RGS12: variants seen among roughly 807,000 people sequenced by gnomAD.
RGS12 encodes regulator of G-protein signaling 12.
In RGS12, 66 loss-of-function variants were observed where a neutral mutation model predicts 120.1. The observed-to-expected ratio is 0.55, with a 90% confidence interval of 0.45 to 0.67. The LOEUF (loss-of-function observed/expected upper bound fraction) is 0.67, where lower values mean the gene tolerates loss of function less well. Among genes scored for constraint, RGS12 ranks in the 30% least tolerant of loss-of-function variants. RGS12 has a pLI of 0.00. For missense variants in RGS12, 1,859 were observed against 1,957.7 expected (o/e 0.95, Z 0.95); for synonymous variants, 827 against 804.7 (o/e 1.03, Z -0.47).
Position 3,349,870 on chromosome 4 carries a change from A to G in RGS12, c.1998+6817A>G, listed in dbSNP as rs534709014. Among the ~76,000 whole-genome samples the G allele has an allele frequency of 2.0e-5, 3 of 152,330 alleles. No individual in the cohort carries two copies. In the East Asian group the frequency reaches 5.8e-4, roughly 29 times the overall value. On this transcript the variant is annotated intron_variant, in intron 3 of 17. Transcript: ENST00000336727. ...AATGTATGTTTTAGTACTTTATCTT[A>G]TATGGAAATGACTTAGACATTTTAT... is the stretch of plus-strand genomic sequence containing the variant.
intron 4 of RGS12, among the ~76,000 whole-genome samples, chr4:3,395,535 A>G (rs1719966978): frequency 6.6e-6 from 1 of 152,156 alleles, no homozygotes; most frequent in Non-Finnish European, 1.5e-5. Flanking sequence ...TTTCCAAATG[A>G]TTTTTACAGT....
intron 1 of RGS12, among the ~76,000 whole-genome samples, chr4:3,307,542 A>G (rs929704333): frequency 1.3e-5 from 2 of 152,268 alleles, no homozygotes; most frequent in Non-Finnish European, 2.9e-5. Flanking sequence ...CACAGAAATA[A>G]TTGCATTCAG....
At chr4:3,370,433 A>C (rs1484027060) in intron 3 of RGS12, 1 of 1,045,312 alleles carries the variant, frequency 9.6e-7, no homozygotes, top group East Asian at 2.4e-5. Flanking sequence ...GCTTGTAAGG[A>C]TAAGCTTTGG....
At chr4:3,394,251 C>T (rs952192451) in intron 4 of RGS12, among the ~76,000 whole-genome samples, 1 of 152,174 alleles carries the variant, frequency 6.6e-6, no homozygotes, top group Non-Finnish European at 1.5e-5. Context: ...CAACCTCTGC[C>T]TCTTGGGTTC....
At chr4:3,402,108 G>A (rs968890774) in intron 4 of RGS12, among the ~76,000 whole-genome samples, 74 of 152,314 alleles carry the variant, frequency 4.9e-4, no homozygotes, top group African/African-American at 1.7e-3. Context: ...TTGGAAGCCC[G>A]GTTTAGGACA....
chr4:3,365,800 T>TTA lies in RGS12; in HGVS notation c.1999-20612_1999-20611dup, dbSNP rs1428269417. The stretch of plus-strand genomic sequence containing the variant: ...CACACCAGTCTGCTTTTTAAACCCA[T>TTA]TATATGGGAAATTTTCTGAACTGTC... On this transcript the variant is annotated intron_variant, in intron 3 of 17. Coordinates refer to ENST00000336727, the MANE Select transcript of RGS12 (RefSeq NM_001394154.1). This position sits in a 1 kb window ranked among gnomAD's most constrained non-coding sequence, Gnocchi z 4.0. Among the ~76,000 whole-genome samples the TTA allele has an allele frequency of 6.6e-6, 1 of 152,174 alleles. No individual in the cohort carries two copies. The highest frequency in any genetic ancestry group is 1.5e-5 in the Non-Finnish European group (1 of 68,022).
chr4:3,363,815 G>A (rs943955227), intron 3 of RGS12, among the ~76,000 whole-genome samples: 2 of 152,162 alleles, frequency 1.3e-5, no homozygotes, highest in Non-Finnish European at 2.9e-5. Context: ...GGACCCAGGG[G>A]TCAGGGACTG....
chr4:3,330,281 G>A (rs545730647), intron 2 of RGS12, among the ~76,000 whole-genome samples: 1 of 152,264 alleles, frequency 6.6e-6, no homozygotes, highest in African/African-American at 2.4e-5. Context: ...AGTACATCCC[G>A]CTGAAGGCAT....
At chr4:3,309,339 G>A (rs1179791492) in intron 1 of RGS12, among the ~76,000 whole-genome samples, 2 of 148,326 alleles carry the variant, frequency 1.3e-5, no homozygotes, top group African/African-American at 2.5e-5. Flanking sequence ...GAGGAGCTGG[G>A]ATCCGGGAAT....
chr4:3,351,950 TCTTTATTTTTG>T (rs1714395587), intron 3 of RGS12, among the ~76,000 whole-genome samples: 1 of 152,140 alleles, frequency 6.6e-6, no homozygotes, highest in African/African-American at 2.4e-5. Flanking sequence ...TTATTTAGAA[TCTTTATTTTTG>T]CTCTCAGATC....
Position 3,416,042 on chromosome 4 carries a change from A to G in RGS12, c.2348A>G (p.Asn783Ser). The change falls in exon 7 of 18, where the codon AAC becomes AGC. Residue 783 changes from asparagine (N) to serine (S), a missense_variant. Coordinates refer to ENST00000336727, the MANE Select transcript of RGS12 (RefSeq NM_001394154.1). ...FLCSKATTPV[N>S]IDSQAQLADD... is the part of the protein sequence containing the mutation. Reference sequence around the variant, plus strand: ...TGCAGCAAAGCCACCACCCCGGTCAACATCGACAGCCAGGCCCAGCTAGCA... The same window carrying G: ...TGCAGCAAAGCCACCACCCCGGTCAGCATCGACAGCCAGGCCCAGCTAGCA... 3.7e-6 allele frequency: 6 copies of G among 1,614,054 alleles called. No individual in the cohort carries two copies. Among genetic ancestry groups the G allele is most frequent in the Non-Finnish European group, 5.1e-6 (6 of 1,180,006 alleles).
chr4:3,326,878 C>T (rs897908235), intron 2 of RGS12, among the ~76,000 whole-genome samples: 2 of 152,100 alleles, frequency 1.3e-5, no homozygotes, highest in African/African-American at 2.4e-5. Flanking sequence ...TTAAAGTGAC[C>T]ATACTGTCTG....
chr4:3,427,913 G>C (rs1195214882), intron 14 of RGS12, among the ~76,000 whole-genome samples, 177 bp from the exon 15 acceptor site: 2 of 152,168 alleles, frequency 1.3e-5, no homozygotes, highest in Non-Finnish European at 2.9e-5. Flanking sequence ...GTGGAGGACG[G>C]GCCCTCTCTC....
Position 3,318,048 on chromosome 4 carries a change from A to G in RGS12, c.1878A>G (p.Lys626=). 4.5e-6 allele frequency: 7 copies of G among 1,561,996 alleles called. No homozygotes were observed. Among genetic ancestry groups the G allele is most frequent in the Non-Finnish European group, 6.1e-6 (7 of 1,145,760 alleles). The stretch of plus-strand genomic sequence containing the variant: ...ATGTTCGAAAGACTAAGGAAGATAA[A>G]AAGGTAAGCCTGCCAGGAGCCACTC... The part of the protein sequence containing the change: ...HRNVRKTKED[K]KGSKFGRGTG... Residue 626 remains lysine (K), a synonymous_variant, in exon 2 of 18, where the codon AAA becomes AAG. Coordinates refer to ENST00000336727, the MANE Select transcript of RGS12 (RefSeq NM_001394154.1).
At chr4:3,417,745 G>A in intron 9 of RGS12, 2 of 588,616 alleles carry the variant, frequency 3.4e-6, no homozygotes. Flanking sequence ...GGGCAGCAGG[G>A]CTGCTCCAGA....
intron 1 of RGS12, among the ~76,000 whole-genome samples, chr4:3,304,639 T>C (rs1036229589): frequency 6.6e-6 from 1 of 152,272 alleles, no homozygotes; most frequent in African/African-American, 2.4e-5. Flanking sequence ...GGCTTCTTTT[T>C]AGCCGCTTTT....
intron 1 of RGS12, among the ~76,000 whole-genome samples, chr4:3,307,997 G>A (rs554942926): frequency 2.6e-4 from 39 of 152,348 alleles, no homozygotes; most frequent in African/African-American, 8.7e-4. Context: ...CAGAGGAAGC[G>A]TGCAGGGGCT....
intron 3 of RGS12, 137 bp from the exon 4 acceptor site, chr4:3,386,279 C>A: frequency 2.5e-6 from 2 of 814,538 alleles, no homozygotes; most frequent in Non-Finnish European, 4.2e-6. Flanking sequence ...TCTGGCTTTC[C>A]CGGGACACCT....
chr4:3,378,776 A>G (rs1405084118), intron 3 of RGS12, among the ~76,000 whole-genome samples: 2 of 152,184 alleles, frequency 1.3e-5, no homozygotes, highest in Non-Finnish European at 2.9e-5. Flanking sequence ...TGAGGATAGG[A>G]GAAGAGGGAA....
Sources: allele counts gnomAD v4.1 joint callset (sites outside exome capture counted in the v4.1 genomes callset), GRCh38; gene constraint gnomAD v4.1.1; non-coding constraint Gnocchi (gnomAD v3.1); transcripts MANE v1.5; gene names NCBI Gene and HGNC (gene_info 2026-07-23, HGNC 2026-07-21).